Variants in RILPL1 observed in about 807,000 individuals in gnomAD.
The protein encoded by RILPL1 is Rab interacting lysosomal protein like 1.
Under a neutral mutation model 50.3 loss-of-function variants are expected in RILPL1, and 33 were observed. The ratio of observed to expected loss-of-function variants is 0.66; its 90% CI spans 0.50 to 0.88. The LOEUF (loss-of-function observed/expected upper bound fraction) is 0.88, where lower values mean the gene tolerates loss of function less well. RILPL1 is among the 40% of genes least tolerant of loss of function. RILPL1 has a pLI of 0.00. For synonymous variants in RILPL1, 205 were observed against 228.6 expected (o/e 0.90, Z 0.93); for missense variants, 418 against 542.5 (o/e 0.77, Z 2.28).
At chr12:123,507,564 C>CAA (rs34340975) in intron 2 of RILPL1, among the ~76,000 whole-genome samples, 2,696 of 134,584 alleles carry the variant, frequency 0.02, 88 homozygotes, top group African/African-American at 0.065. Flanking sequence ...GATACTGTCT[C>CAA]AAAAAAAAAA....
chr12:123,514,209 A>G (rs1224780830), intron 2 of RILPL1: 1 of 152,188 alleles, frequency 6.6e-6, no homozygotes, highest in Non-Finnish European at 1.5e-5. Context: ...TCAGACCCCA[A>G]GGTTGCATAC....
chr12:123,526,381 C>T (rs926838267), intron 1 of RILPL1, among the ~76,000 whole-genome samples: 8 of 151,958 alleles, frequency 5.3e-5, no homozygotes, highest in Non-Finnish European at 7.4e-5. Flanking sequence ...TGGAGCCTGC[C>T]GCCCTAAGTC....
At position 123,501,488 on chromosome 12, in the gene RILPL1, C is replaced by A. The variant is rs564795618; in HGVS notation, c.461-1952G>T. Among the ~76,000 whole-genome samples the A allele has an allele frequency of 2.7e-5, 4 of 150,260 alleles. No individual in the cohort carries two copies. In the East Asian group the frequency reaches 7.8e-4, roughly 29 times the overall value. ...CAAACAAAAAACCTCAGGCTGGGTG[C>A]CGGTGGCTCACGCCTGTAATCCCAG... On this transcript the variant is annotated intron_variant, in intron 2 of 6. Transcript: ENST00000376874.
intron 6 of RILPL1, among the ~76,000 whole-genome samples, chr12:123,482,948 CCTGCACGGCT>C (rs1882094767): frequency 6.6e-6 from 1 of 152,172 alleles, no homozygotes; most frequent in Admixed American, 6.5e-5. Context: ...CAGTGACAAA[CCTGCACGGCT>C]CTGCATTGTC....
At chr12:123,523,985 G>A (rs895198327) in intron 1 of RILPL1, among the ~76,000 whole-genome samples, 1 of 152,214 alleles carries the variant, frequency 6.6e-6, no homozygotes, top group Admixed American at 6.5e-5. Context: ...CTAACCTCTG[G>A]GGGGCACACC....
intron 2 of RILPL1, among the ~76,000 whole-genome samples, chr12:123,506,071 G>GT (rs1197827003): frequency 6.6e-5 from 10 of 152,352 alleles, no homozygotes; most frequent in African/African-American, 2.2e-4. Flanking sequence ...GTTGAGTGCC[G>GT]TGACGGATGT....
chr12:123,471,656 TCCC>T lies in RILPL1; in HGVS notation c.*879_*881del, dbSNP rs1881194984. 6.6e-6 allele frequency: 1 copy of T among 152,130 alleles called. No individual in the cohort carries two copies. The highest frequency in any genetic ancestry group is 2.4e-5 in the African/African-American group (1 of 41,338). 9.4% of individuals were successfully genotyped at this position (152,130 alleles called of 1,614,324 possible). On this transcript the variant is annotated 3_prime_UTR_variant, in exon 7 of 7. Transcript: ENST00000376874. The stretch of plus-strand genomic sequence containing the variant: ...CCTAGCACCCTTGTTCTGCTACAGC[TCCC>T]CCACCTGCCCTCCTGCATTGCCTAG...
At chr12:123,493,256 T>C (rs532032036) in intron 4 of RILPL1, among the ~76,000 whole-genome samples, 1 of 152,348 alleles carries the variant, frequency 6.6e-6, no homozygotes, top group South Asian at 2.1e-4. Context: ...TGTGTATGCA[T>C]ATCTAAAAGC....
rs35014721 is a variant in RILPL1 at position 123,529,873 on chromosome 12, CA to C, written c.309+3300del. On this transcript the variant is annotated intron_variant, in intron 1 of 6. Transcript: ENST00000376874. ...TGGATGACAGAGTACGTCCCTGACT[CA>C]AAAAAAAAAAAAAGGAGAAAAAAAA... is the stretch of plus-strand genomic sequence containing the variant. 5.1e-3 allele frequency among the ~76,000 whole-genome samples: 660 copies of C among 129,808 alleles called. 5 individuals carry two copies. Among genetic ancestry groups the C allele is most frequent in the African/African-American group, 0.017 (589 of 34,186 alleles). 85.2% of individuals were successfully genotyped at this position (129,808 alleles called of 152,430 possible). A position where few individuals can be genotyped will look rare whatever the true frequency, so the allele number is the denominator to read the frequency against.
In RILPL1 at chr12:123,523,629, T is replaced by G; in HGVS notation, c.326A>C (p.Glu109Ala). Residue 109 changes from glutamate to alanine, a missense_variant, in exon 2 of 7, where the codon GAG becomes GCG. By Grantham distance (107) the Glu-to-Ala change is moderately radical. Coordinates refer to ENST00000376874, the MANE Select transcript of RILPL1 (RefSeq NM_178314.5). ...RKHQKELELVEDVWRGEAQDL... is the reference protein window; with the variant it reads ...RKHQKELELVADVWRGEAQDL... ...CTGCGCCTCCCCTCGCCACACATCC[T>G]CCACCAGCTCCAGCTCCTGCCAAGG... 6.2e-7 allele frequency: 1 copy of G among 1,613,478 alleles called. No homozygotes were observed. Among genetic ancestry groups the G allele is most frequent in the Non-Finnish European group, 8.5e-7 (1 of 1,179,784 alleles).
rs1008094307 is a variant in RILPL1 at position 123,491,162 on chromosome 12, C to T, written c.802-5357G>A. On this transcript the variant is annotated intron_variant, in intron 4 of 6. Coordinates refer to ENST00000376874, the MANE Select transcript of RILPL1 (RefSeq NM_178314.5). This position sits in a 1 kb window ranked among gnomAD's most constrained non-coding sequence, Gnocchi z 4.0. ...GGGCCACGGGCAGCCCAGGACTATC[C>T]GGTTCAGACTGGGAGGGACCAAGGA... Among the ~76,000 whole-genome samples, 1 of 152,178 alleles carries T rather than the reference C, an allele frequency of 6.6e-6. No homozygotes were observed. The highest frequency in any genetic ancestry group is 1.5e-5 in the Non-Finnish European group (1 of 68,030).
chr12:123,505,377 G>A (rs1378245228), intron 2 of RILPL1, among the ~76,000 whole-genome samples: 5 of 152,132 alleles, frequency 3.3e-5, no homozygotes, highest in Non-Finnish European at 7.4e-5. Context: ...AGGCTAAAGT[G>A]CAGTAGCATG....
rs1593552389 is a variant in RILPL1 at position 123,493,796 on chromosome 12, T to C, written c.801+4748A>G. Among the ~76,000 whole-genome samples the C allele has an allele frequency of 3.3e-5, 5 of 150,896 alleles. No homozygotes were observed. In the Middle Eastern group the frequency reaches 0.017, roughly 513 times the overall value. On this transcript the variant is annotated intron_variant, in intron 4 of 6. Coordinates refer to ENST00000376874, the MANE Select transcript of RILPL1 (RefSeq NM_178314.5). Reference sequence around the variant, plus strand: ...TGAGGCCCTGCCTCTTTTTTTTTTTTTTTTTTGAGATGAAGTCTTGCTCTG... The same window carrying C: ...TGAGGCCCTGCCTCTTTTTTTTTTTCTTTTTTGAGATGAAGTCTTGCTCTG...
Position 123,533,075 on chromosome 12 carries a change from A to AAC in RILPL1, c.309+97_309+98dup, listed in dbSNP as rs893564457. On this transcript the variant is annotated intron_variant, in intron 1 of 6. Coordinates refer to ENST00000376874, the MANE Select transcript of RILPL1 (RefSeq NM_178314.5). This position sits in a 1 kb window ranked among gnomAD's most constrained non-coding sequence, Gnocchi z 6.2. ...CGGGTCTCCTCTGGTCCGGTCCCTG[A>AAC]ACACACACACGTGCGCACCCACAGC... 2.3e-6 allele frequency: 3 copies of AAC among 1,279,618 alleles called. No homozygotes were observed. Among genetic ancestry groups the AAC allele is most frequent in the African/African-American group, 1.5e-5 (1 of 67,340 alleles). The allele number at this position is 1,279,618 out of a possible 1,614,324, so 79.3% of individuals were successfully genotyped here. A position where few individuals can be genotyped will look rare whatever the true frequency, so the allele number is the denominator to read the frequency against.
chr12:123,502,078 C>T (rs2139344528), intron 2 of RILPL1, among the ~76,000 whole-genome samples: 1 of 120,534 alleles, frequency 8.3e-6, no homozygotes, highest in Middle Eastern at 4.2e-3. Context: ...GAAACTTCGT[C>T]TCAAAAAAAA....
chr12:123,511,606 TGTGTGTGAGGTCTGTGTGTG>T (rs1884220073), intron 2 of RILPL1, among the ~76,000 whole-genome samples: 1 of 115,556 alleles, frequency 8.7e-6, no homozygotes, highest in African/African-American at 3.4e-5. Flanking sequence ...GTGTGTGTGG[TGTGTGTGAGGTCTGTGTGTG>T]GTGTGTGAGG....
chr12:123,472,442 C>G lies in RILPL1; in HGVS notation c.*96G>C, dbSNP rs1375841454. 4 of 1,393,656 alleles carry G rather than the reference C, an allele frequency of 2.9e-6. No homozygotes were observed. In the East Asian group the frequency reaches 1.0e-4, roughly 35 times the overall value. 86.3% of individuals were successfully genotyped at this position (1,393,656 alleles called of 1,614,324 possible). A position where few individuals can be genotyped will look rare whatever the true frequency, so the allele number is the denominator to read the frequency against. On this transcript the variant is annotated 3_prime_UTR_variant, in exon 7 of 7. Coordinates refer to ENST00000376874, the MANE Select transcript of RILPL1 (RefSeq NM_178314.5). Reference sequence around the variant, plus strand: ...GGTCAGTTTTCAGGGTGCATCTGCACCGAGAGGCTTGAGGCAGCAATGACC... The same window carrying G: ...GGTCAGTTTTCAGGGTGCATCTGCAGCGAGAGGCTTGAGGCAGCAATGACC...
intron 6 of RILPL1, among the ~76,000 whole-genome samples, chr12:123,478,567 G>A (rs1023395036): frequency 4.0e-5 from 6 of 151,184 alleles, no homozygotes; most frequent in African/African-American, 1.5e-4. Flanking sequence ...AGCTATTCCT[G>A]GGCTGGAGCG....
chr12:123,526,535 A>C (rs1016378812), intron 1 of RILPL1, among the ~76,000 whole-genome samples: 1 of 152,138 alleles, frequency 6.6e-6, no homozygotes, highest in Non-Finnish European at 1.5e-5. Flanking sequence ...AGCGCCTGGA[A>C]TATGCCCGGC....
Sources: allele counts gnomAD v4.1 joint callset (sites outside exome capture counted in the v4.1 genomes callset), GRCh38; gene constraint gnomAD v4.1.1; non-coding constraint Gnocchi (gnomAD v3.1); transcripts MANE v1.5; gene names NCBI Gene and HGNC (gene_info 2026-07-23, HGNC 2026-07-21).